The following BCAS3 variants were observed in gnomAD, a reference collection of about 807,000 sequenced individuals.
The protein encoded by BCAS3 is BCAS3 microtubule associated cell migration factor.
In BCAS3, 53 loss-of-function variants were observed where a neutral mutation model predicts 116.1. The ratio of observed to expected loss-of-function variants is 0.46; its 90% CI spans 0.37 to 0.57. The LOEUF (loss-of-function observed/expected upper bound fraction) is 0.57. Ranked by LOEUF, BCAS3 falls within the 20% of genes least tolerant of loss-of-function variation. BCAS3 has a pLI of 0.00. For synonymous variants in BCAS3, 391 were observed against 408.2 expected, an observed-to-expected ratio of 0.96 and a Z score of 0.51; for missense variants, 917 against 1,165.4, an observed-to-expected ratio of 0.79 and a Z score of 3.10.
intron 11 of BCAS3, among the ~76,000 whole-genome samples, chr17:60,907,379 C>G (rs896037587): frequency 6.6e-6 from 1 of 152,100 alleles, no homozygotes; most frequent in Admixed American, 6.6e-5. Flanking sequence ...AAAAATGCCC[C>G]TGTTTTCTCT....
At chr17:61,210,785 T>G (rs2144331405) in intron 22 of BCAS3, among the ~76,000 whole-genome samples, 1 of 152,304 alleles carries the variant, frequency 6.6e-6, no homozygotes, top group South Asian at 2.1e-4. Context: ...GAGCACACTC[T>G]CTATCCCATC....
rs1004408846 is a variant in BCAS3 at position 61,332,880 on chromosome 17, T to C, written c.2426-35447T>C. Reference sequence around the variant, plus strand: ...ATCTGCCCGCCTTGGCCTCCCAAAGTGCTGGGATTATAGGCGTGAGCCATG... The same window carrying C: ...ATCTGCCCGCCTTGGCCTCCCAAAGCGCTGGGATTATAGGCGTGAGCCATG... On this transcript the variant is annotated intron_variant, in intron 22 of 23. Coordinates refer to ENST00000407086, the MANE Select transcript of BCAS3 (RefSeq NM_017679.5). This position sits in a 1 kb window ranked among gnomAD's most constrained non-coding sequence, Gnocchi z 5.4. Among the ~76,000 whole-genome samples, 11 of 152,324 alleles carry C rather than the reference T, an allele frequency of 7.2e-5. 1 individual carries two copies. In the South Asian group the frequency reaches 1.2e-3, roughly 17 times the overall value.
At chr17:61,091,184 G>A (rs2073532907) in intron 22 of BCAS3, among the ~76,000 whole-genome samples, 4 of 152,158 alleles carry the variant, frequency 2.6e-5, no homozygotes, top group Admixed American at 2.6e-4. Flanking sequence ...TATATTGCAA[G>A]CATCAGGTCC....
Position 61,034,766 on chromosome 17 carries a change from A to G in BCAS3, c.1738A>G (p.Asn580Asp). Residue 580 changes from asparagine to aspartate, a missense_variant, in exon 17 of 24, where the codon AAT becomes GAT. By Grantham distance (23) the Asn-to-Asp change is conservative. Coordinates refer to ENST00000407086, the MANE Select transcript of BCAS3 (RefSeq NM_017679.5). This position sits in a 1 kb window ranked among gnomAD's most constrained non-coding sequence, Gnocchi z 5.0. ...AACATCCAGGTCATGGTTTGCAAATAATGCAGGTCTGAAAAGAGAAAAAGG... is the reference window on the plus strand; with the variant it reads ...AACATCCAGGTCATGGTTTGCAAATGATGCAGGTCTGAAAAGAGAAAAAGG... ...FGTSRSWFANNAGLKREKDQS... is the reference protein window; with the variant it reads ...FGTSRSWFANDAGLKREKDQS... 6.2e-7 allele frequency: 1 copy of G among 1,611,884 alleles called. No individual in the cohort carries two copies. The highest frequency in any genetic ancestry group is 1.1e-5 in the South Asian group (1 of 90,586).
At chr17:61,025,193 T>C (rs1171150757) in intron 16 of BCAS3, among the ~76,000 whole-genome samples, 2 of 152,140 alleles carry the variant, frequency 1.3e-5, no homozygotes, top group African/African-American at 2.4e-5. Context: ...TATTTAAATC[T>C]GTGTTTGTCA....
chr17:61,184,130 C>T (rs2079631553), intron 22 of BCAS3, among the ~76,000 whole-genome samples: 1 of 152,094 alleles, frequency 6.6e-6, no homozygotes, highest in African/African-American at 2.4e-5. Flanking sequence ...AATGTCGTGA[C>T]CAGGGTCTTG....
intron 7 of BCAS3, among the ~76,000 whole-genome samples, chr17:60,841,912 G>A (rs565286295): frequency 6.6e-6 from 1 of 152,086 alleles, no homozygotes; most frequent in Non-Finnish European, 1.5e-5. Flanking sequence ...TAGTGATGGT[G>A]TTTGGGGAGA....
At chr17:60,985,281 A>G (rs1342712819) in intron 14 of BCAS3, among the ~76,000 whole-genome samples, 1 of 150,798 alleles carries the variant, frequency 6.6e-6, no homozygotes, top group East Asian at 2.0e-4. Flanking sequence ...CAGTAGCTGG[A>G]AGTACAGGCA....
chr17:61,342,498 A>G (rs2057232762), intron 22 of BCAS3, among the ~76,000 whole-genome samples: 1 of 152,142 alleles, frequency 6.6e-6, no homozygotes, highest in Admixed American at 6.5e-5. Context: ...AGGCCCAGTG[A>G]GTGAGGCAGT....
chr17:61,316,721 C>A lies in BCAS3; in HGVS notation c.2426-51606C>A, dbSNP rs1602632544. ...GAATTCTTTGGAAAAGAAATCCATG[C>A]CCTCGGAATGATGTGGCTCCTTCCT... On this transcript the variant is annotated intron_variant, in intron 22 of 23. Coordinates refer to ENST00000407086, the MANE Select transcript of BCAS3 (RefSeq NM_017679.5). The surrounding 1 kb of genome is among the most constrained non-coding windows in gnomAD (Gnocchi z 5.8). Among the ~76,000 whole-genome samples, 1 of 152,278 alleles carries A rather than the reference C, an allele frequency of 6.6e-6. No homozygotes were observed. The highest frequency in any genetic ancestry group is 1.9e-4 in the East Asian group (1 of 5,188).
At position 61,013,074 on chromosome 17, in the gene BCAS3, T is replaced by G. The variant is rs1407029212; in HGVS notation, c.1487-2677T>G. ...CATGCCCAGAATATTCCTTCTCTCC[T>G]ACCCTTATCCATATTTTGTCCAATT... is the stretch of plus-strand genomic sequence containing the variant. On this transcript the variant is annotated intron_variant, in intron 15 of 23. Coordinates refer to ENST00000407086, the MANE Select transcript of BCAS3 (RefSeq NM_017679.5). The surrounding 1 kb of genome is among the most constrained non-coding windows in gnomAD (Gnocchi z 4.4). Among the ~76,000 whole-genome samples, 1 of 152,072 alleles carries G rather than the reference T, an allele frequency of 6.6e-6. No individual in the cohort carries two copies. The highest frequency in any genetic ancestry group is 2.4e-5 in the African/African-American group (1 of 41,452).
chr17:61,216,695 C>A (rs1474390853), intron 22 of BCAS3, among the ~76,000 whole-genome samples: 1 of 151,626 alleles, frequency 6.6e-6, no homozygotes, highest in Non-Finnish European at 1.5e-5. Context: ...AGGCACCCGC[C>A]ACCACGCCCA....
At chr17:60,910,035 A>C (rs1001031061) in intron 11 of BCAS3, among the ~76,000 whole-genome samples, 5 of 152,192 alleles carry the variant, frequency 3.3e-5, no homozygotes, top group Admixed American at 6.5e-5. Flanking sequence ...CAGCATATTC[A>C]TAGATTTGCT....
intron 9 of BCAS3, among the ~76,000 whole-genome samples, chr17:60,889,139 T>C (rs979356816): frequency 1.3e-5 from 2 of 152,226 alleles, no homozygotes; most frequent in Non-Finnish European, 2.9e-5. Flanking sequence ...AAGAATGATA[T>C]TGAGTGAAAT....
chr17:60,863,304 G>A (rs1209229248), intron 7 of BCAS3, among the ~76,000 whole-genome samples: 1 of 152,034 alleles, frequency 6.6e-6, no homozygotes, highest in Non-Finnish European at 1.5e-5. Context: ...GACTATTGCA[G>A]CTTTATATGT....
intron 6 of BCAS3, among the ~76,000 whole-genome samples, chr17:60,781,217 G>A (rs902490982): frequency 2.3e-4 from 35 of 151,450 alleles, no homozygotes; most frequent in Admixed American, 1.7e-3. Flanking sequence ...TGATCCCCCC[G>A]CCTCAGCCTC....
At chr17:61,080,675 G>C (rs1356857959) in intron 21 of BCAS3, among the ~76,000 whole-genome samples, 1 of 152,130 alleles carries the variant, frequency 6.6e-6, no homozygotes, top group Non-Finnish European at 1.5e-5. Flanking sequence ...CAGGAGAATT[G>C]CTTGAACACA....
chr17:61,269,455 G>T (rs1161597582), intron 22 of BCAS3, among the ~76,000 whole-genome samples: 1 of 152,106 alleles, frequency 6.6e-6, no homozygotes, highest in African/African-American at 2.4e-5. Context: ...CAAGAAGTGG[G>T]ATTGCTGGAT....
intron 6 of BCAS3, among the ~76,000 whole-genome samples, chr17:60,782,113 C>G (rs1179626421): frequency 6.6e-6 from 1 of 152,166 alleles, no homozygotes; most frequent in Non-Finnish European, 1.5e-5. Context: ...TTAAGGATGA[C>G]CACATATGAG....
Sources: allele counts gnomAD v4.1 joint callset (sites outside exome capture counted in the v4.1 genomes callset), GRCh38; gene constraint gnomAD v4.1.1; non-coding constraint Gnocchi (gnomAD v3.1); transcripts MANE v1.5; gene names NCBI Gene and HGNC (gene_info 2026-07-23, HGNC 2026-07-21).